The following CCDC50 variants were observed in gnomAD, a reference collection of about 807,000 sequenced individuals.
CCDC50 encodes coiled-coil domain-containing protein 50.
CCDC50 carries 54 observed loss-of-function variants against 70.2 expected under a neutral mutation model. That is an observed-to-expected ratio of 0.77 (90% CI 0.62 to 0.96). The LOEUF (loss-of-function observed/expected upper bound fraction) is 0.96. CCDC50 is among the 50% of genes least tolerant of loss of function. The probability of loss-of-function intolerance (pLI) is 0.00; values close to 1 mark genes in which losing one functional copy is unlikely to be tolerated. For synonymous variants in CCDC50, 216 were observed against 198.8 expected (o/e 1.09, Z -0.73); for missense variants, 558 against 578.7 (o/e 0.96, Z 0.37).
At chr3:191,370,929 G>A (rs1262915036) in intron 5 of CCDC50, among the ~76,000 whole-genome samples, 1 of 152,158 alleles carries the variant, frequency 6.6e-6, no homozygotes, top group Non-Finnish European at 1.5e-5. Flanking sequence ...CATAAATGGG[G>A]TGTGGAAAAT....
At position 191,365,734 on chromosome 3, in the gene CCDC50, C is replaced by T. The variant is rs182458082; in HGVS notation, c.331-4185C>T. Among the ~76,000 whole-genome samples the T allele has an allele frequency of 3.2e-3, 483 of 152,176 alleles. 2 individuals carry two copies. The highest frequency in any genetic ancestry group is 0.011 in the African/African-American group (459 of 41,550). The stretch of plus-strand genomic sequence containing the variant: ...TCACCTTTTGATTGTTTTTAAACTC[C>T]AGATTTCCTCTTTTTGAAACTCATT... On this transcript the variant is annotated intron_variant, in intron 4 of 11. Transcript: ENST00000392455.
rs16822372 is a variant in CCDC50 at position 191,387,767 on chromosome 3, T to C, written c.1323-1729T>C. 7.7e-3 allele frequency among the ~76,000 whole-genome samples: 1,177 copies of C among 152,274 alleles called. 10 individuals are homozygous for C. The highest frequency in any genetic ancestry group is 0.034 in the Middle Eastern group (10 of 294). Reference sequence around the variant, plus strand: ...TTTAGCATACTTTTCCTTGATGAGTTGATGGTGAGGCACTAATCATGGATT... The same window carrying C: ...TTTAGCATACTTTTCCTTGATGAGTCGATGGTGAGGCACTAATCATGGATT... On this transcript the variant is annotated intron_variant, in intron 10 of 11. Transcript: ENST00000392455.
intron 9 of CCDC50, among the ~76,000 whole-genome samples, chr3:191,381,638 A>G (rs79429705): frequency 0.011 from 1,698 of 152,296 alleles, 27 homozygotes; most frequent in African/African-American, 0.039. Flanking sequence ...TGTATAATGT[A>G]GAGAGGAAGA....
intron 10 of CCDC50, among the ~76,000 whole-genome samples, chr3:191,388,296 A>C (rs1317794558): frequency 6.6e-6 from 1 of 152,180 alleles, no homozygotes; most frequent in African/African-American, 2.4e-5. Flanking sequence ...CTCCTGATAA[A>C]AATACACACC....
At chr3:191,331,115 AC>A (rs1423082123) in intron 1 of CCDC50, among the ~76,000 whole-genome samples, 1 of 152,102 alleles carries the variant, frequency 6.6e-6, no homozygotes, top group Non-Finnish European at 1.5e-5. Flanking sequence ...GTTATCCTTT[AC>A]TTTTGGATAT....
At chr3:191,384,351 T>C (rs191481756) in intron 10 of CCDC50, among the ~76,000 whole-genome samples, 33 of 152,332 alleles carry the variant, frequency 2.2e-4, no homozygotes, top group Admixed American at 4.6e-4. Context: ...ATAAAGCTTA[T>C]ATATCTTGCA....
Position 191,375,274 on chromosome 3 carries a change from G to A in CCDC50, c.661G>A (p.Glu221Lys). The A allele has an allele frequency of 6.2e-7, 1 of 1,613,736 alleles. No homozygotes were observed. Among genetic ancestry groups the A allele is most frequent in the Admixed American group, 1.7e-5 (1 of 59,958 alleles). ...KGRDNPHINN[E>K]QHERKRSTQE... The stretch of plus-strand genomic sequence containing the variant: ...GAGGGACAATCCCCATATTAACAAT[G>A]AGCAGCATGAAAGGAAACGGTCCAC... The change falls in exon 6 of 12, where the codon GAG (glutamate) becomes AAG (lysine). Residue 221 changes from glutamate (E) to lysine (K), a missense_variant. Coordinates refer to ENST00000392455, the MANE Select transcript of CCDC50 (RefSeq NM_178335.3).
chr3:191,363,502 G>T (rs1712568167), intron 4 of CCDC50, among the ~76,000 whole-genome samples: 1 of 152,206 alleles, frequency 6.6e-6, no homozygotes, highest in African/African-American at 2.4e-5. Flanking sequence ...ACCCTAAAGG[G>T]CTGTTGTGAG....
intron 1 of CCDC50, among the ~76,000 whole-genome samples, chr3:191,345,463 C>G (rs1711881676): frequency 6.6e-6 from 1 of 152,224 alleles, no homozygotes; most frequent in Non-Finnish European, 1.5e-5. Context: ...CTTCCTCTCA[C>G]TCCAGATCAT....
At chr3:191,355,141 A>G (rs993955884) in intron 1 of CCDC50, among the ~76,000 whole-genome samples, 10 of 152,176 alleles carry the variant, frequency 6.6e-5, no homozygotes, top group South Asian at 4.1e-4. Flanking sequence ...ATTGCCACCC[A>G]TAATTTGAAA....
At chr3:191,374,992 G>C (rs1271639575) in intron 5 of CCDC50, 70 bp from the exon 6 acceptor site, 20 of 1,481,948 alleles carry the variant, frequency 1.3e-5, no homozygotes, top group Non-Finnish European at 1.9e-5. Context: ...TCCCCCCTGT[G>C]TAGTGAGTTC....
At position 191,392,036 on chromosome 3, in the gene CCDC50, C is replaced by T. The variant is rs1001934928; in HGVS notation, c.*276C>T. On this transcript the variant is annotated 3_prime_UTR_variant, in exon 12 of 12. Transcript: ENST00000392455. ...AGTATCTAAGACCTTTGTAAACTGCCATTTTGTTAGGTATGGAGTTTGGTA... is the reference window on the plus strand; with the variant it reads ...AGTATCTAAGACCTTTGTAAACTGCTATTTTGTTAGGTATGGAGTTTGGTA... 2.5e-6 allele frequency: 1 copy of T among 397,660 alleles called. No homozygotes were observed. Among genetic ancestry groups the T allele is most frequent in the African/African-American group, 2.0e-5 (1 of 49,732 alleles). The allele number at this position is 397,660 out of a possible 1,614,324, so 24.6% of individuals were successfully genotyped here. A position where few individuals can be genotyped will look rare whatever the true frequency, so the allele number is the denominator to read the frequency against.
chr3:191,345,511 C>T (rs1301106595), intron 1 of CCDC50, among the ~76,000 whole-genome samples: 1 of 152,188 alleles, frequency 6.6e-6, no homozygotes, highest in Non-Finnish European at 1.5e-5. Flanking sequence ...CAGCCATTTT[C>T]TCTTTCCCAA....
At chr3:191,371,619 C>T (rs781633078) in intron 5 of CCDC50, among the ~76,000 whole-genome samples, 1 of 152,148 alleles carries the variant, frequency 6.6e-6, no homozygotes, top group Non-Finnish European at 1.5e-5. Context: ...GGGATTATTA[C>T]AGTTTGAGTA....
At chr3:191,376,874 A>G (rs1046695004) in intron 6 of CCDC50, among the ~76,000 whole-genome samples, 3 of 152,156 alleles carry the variant, frequency 2.0e-5, no homozygotes, top group Non-Finnish European at 2.9e-5. Flanking sequence ...TGGGGGAAGT[A>G]TGGAGGAAGA....
intron 1 of CCDC50, among the ~76,000 whole-genome samples, chr3:191,333,817 C>A (rs1718060992): frequency 6.6e-6 from 1 of 152,070 alleles, no homozygotes; most frequent in South Asian, 2.1e-4. Context: ...ACCTTTTAAA[C>A]TGTGTGTATC....
chr3:191,345,954 G>A (rs6801942), intron 1 of CCDC50, among the ~76,000 whole-genome samples: 40,328 of 152,004 alleles, frequency 0.27, 6,225 homozygotes, highest in East Asian at 0.7. Context: ...AAGTTGCCAC[G>A]TGATAACTGA....
intron 3 of CCDC50, among the ~76,000 whole-genome samples, chr3:191,359,903 G>T (rs1176800651): frequency 6.6e-6 from 1 of 152,110 alleles, no homozygotes; most frequent in Admixed American, 6.6e-5. Flanking sequence ...AAATTATCAA[G>T]ACAAACCACT....
chr3:191,391,684 G>T (rs1713696956), intron 11 of CCDC50, 57 bp from the exon 12 acceptor site: 2 of 1,508,960 alleles, frequency 1.3e-6, no homozygotes, highest in Admixed American at 1.7e-5. Flanking sequence ...AGAAAAAGCT[G>T]TTTGAGTTTC....
Sources: allele counts gnomAD v4.1 joint callset (sites outside exome capture counted in the v4.1 genomes callset), GRCh38; gene constraint gnomAD v4.1.1; transcripts MANE v1.5; gene names NCBI Gene and HGNC (gene_info 2026-07-23, HGNC 2026-07-21).